The following USP7 variants were observed in gnomAD, a reference collection of about 807,000 sequenced individuals.
USP7 encodes ubiquitin specific peptidase 7, also known as ubiquitin C-terminal hydrolase 7.
In USP7, 9 loss-of-function variants were observed where a neutral mutation model predicts 162.9. The ratio of observed to expected loss-of-function variants is 0.06; its 90% CI spans 0.03 to 0.10. USP7 has a LOEUF of 0.10. Among genes scored for constraint, USP7 ranks in the 10% least tolerant of loss-of-function variants. The pLI, the probability that USP7 is intolerant of heterozygous loss-of-function variation, is 1.00. For synonymous variants in USP7, 562 were observed against 475.9 expected, an observed-to-expected ratio of 1.18 and a Z score of -2.35; for missense variants, 715 against 1,373.7, an observed-to-expected ratio of 0.52 and a Z score of 7.58.
chr16:8,949,382 G>T (rs1490363173), intron 1 of USP7, among the ~76,000 whole-genome samples: 1 of 152,182 alleles, frequency 6.6e-6, no homozygotes, highest in Non-Finnish European at 1.5e-5. Flanking sequence ...ACTGTTCGAG[G>T]CATTGAAAAT....
intron 14 of USP7, among the ~76,000 whole-genome samples, 199 bp downstream of exon 14, chr16:8,904,988 A>G (rs1036363554): frequency 6.6e-6 from 1 of 152,048 alleles, no homozygotes; most frequent in Non-Finnish European, 1.5e-5. Context: ...AAAATAAAAT[A>G]ATCTATTAAC....
chr16:8,900,049 C>G (rs2061749574), intron 21 of USP7: 2 of 476,460 alleles, frequency 4.2e-6, no homozygotes, highest in Non-Finnish European at 7.5e-6. Flanking sequence ...GGAGCAGACC[C>G]AGACGCAGTG....
intron 25 of USP7, among the ~76,000 whole-genome samples, chr16:8,897,726 A>AATATATATATATATATAT (rs1555461672): frequency 1.4e-3 from 10 of 7,132 alleles, no homozygotes; most frequent in African/African-American, 2.2e-3. Context: ...AAAAAAAAAA[A>AATATATATATATATATAT]ATATATATAT....
chr16:8,935,294 G>C (rs924072598), intron 1 of USP7, among the ~76,000 whole-genome samples: 7 of 150,618 alleles, frequency 4.6e-5, no homozygotes, highest in African/African-American at 1.7e-4. Context: ...TCCTGGGTTA[G>C]AGCCTCCTGG....
chr16:8,919,354 ACCTG>A (rs924880021), intron 5 of USP7, among the ~76,000 whole-genome samples: 74 of 152,142 alleles, frequency 4.9e-4, no homozygotes, highest in African/African-American at 1.7e-3. Flanking sequence ...CCCTCGAAGC[ACCTG>A]CCTGCTGACA....
At chr16:8,917,622 GC>G (rs988330756) in intron 6 of USP7, among the ~76,000 whole-genome samples, 2 of 152,158 alleles carry the variant, frequency 1.3e-5, no homozygotes, top group African/African-American at 2.4e-5. Context: ...CAGGGGATCT[GC>G]CCACCTTGGC....
At chr16:8,942,380 C>CA (rs974096983) in intron 1 of USP7, among the ~76,000 whole-genome samples, 2 of 152,166 alleles carry the variant, frequency 1.3e-5, no homozygotes, top group African/African-American at 4.8e-5. Flanking sequence ...CCACCCTTAT[C>CA]ACATGCTAGG....
At position 8,919,074 on chromosome 16, in the gene USP7, T is replaced by C; in HGVS notation, c.677A>G (p.Asn226Ser). 6.2e-7 allele frequency: 1 copy of C among 1,614,062 alleles called. No homozygotes were observed. The change falls in exon 6 of 31, where the codon AAC becomes AGC. Residue 226 changes from asparagine (N) to serine (S), a missense_variant. Transcript: ENST00000344836. ...LKNQGATCYM[N>S]SLLQTLFFTN... is the part of the protein sequence containing the mutation. The stretch of plus-strand genomic sequence containing the variant: ...GAAAAATAACGTCTGTAGCAGGCTG[T>C]TCATGTAACAAGTCGCTCCCTGATT...
intron 1 of USP7, among the ~76,000 whole-genome samples, chr16:8,955,720 A>C (rs9934558): frequency 0.32 from 46,721 of 147,152 alleles, 8,915 homozygotes; most frequent in African/African-American, 0.52. Flanking sequence ...AAAAAAAAAA[A>C]AAAAAACATT....
At position 8,918,303 on chromosome 16, in the gene USP7, A is replaced by G. The variant is rs1189307493; in HGVS notation, c.720+728T>C. Reference sequence around the variant, plus strand: ...GTGCCGATTTCCTGTACTGCTTCATAATAATCACAAGTAATTCTCAAAATA... The same window carrying G: ...GTGCCGATTTCCTGTACTGCTTCATGATAATCACAAGTAATTCTCAAAATA... On this transcript the variant is annotated intron_variant, in intron 6 of 30. Coordinates refer to ENST00000344836, the MANE Select transcript of USP7 (RefSeq NM_003470.3). Among the ~76,000 whole-genome samples, 4 of 152,308 alleles carry G rather than the reference A, an allele frequency of 2.6e-5. No homozygotes were observed. In the East Asian group the frequency reaches 7.7e-4, roughly 29 times the overall value.
At chr16:8,930,481 G>T in intron 1 of USP7, 84 bp from the exon 2 acceptor site, 3 of 910,700 alleles carry the variant, frequency 3.3e-6, no homozygotes, top group South Asian at 4.3e-5. Context: ...TACTTTTGAT[G>T]TTGCCTAATC....
At position 8,957,031 on chromosome 16, in the gene USP7, G is replaced by A. The variant is rs143018958; in HGVS notation, c.79+6176C>T. 1.7e-4 allele frequency among the ~76,000 whole-genome samples: 26 copies of A among 152,244 alleles called. No individual in the cohort carries two copies. The East Asian group carries it at 4.6e-3, about 27-fold the overall frequency. ...CTCAGGAGTGTCATCACTGAATTCT[G>A]GAAGCATCCCTGCTCTGGCTCAGGT... On this transcript the variant is annotated intron_variant, in intron 1 of 30. Transcript: ENST00000344836.
At chr16:8,957,683 G>T (rs534723113) in intron 1 of USP7, among the ~76,000 whole-genome samples, 1 of 151,610 alleles carries the variant, frequency 6.6e-6, no homozygotes, top group African/African-American at 2.4e-5. Context: ...ACCTGAGCCC[G>T]GAAGTTTAAG....
intron 1 of USP7, among the ~76,000 whole-genome samples, chr16:8,951,980 A>G (rs900876694): frequency 6.6e-6 from 1 of 152,252 alleles, no homozygotes; most frequent in African/African-American, 2.4e-5. Context: ...CCACACCACA[A>G]CGTTCAGACT....
At chr16:8,934,586 C>G (rs1898573467) in intron 1 of USP7, among the ~76,000 whole-genome samples, 1 of 152,262 alleles carries the variant, frequency 6.6e-6, no homozygotes, top group African/African-American at 2.4e-5. Context: ...TAGGGCTTCT[C>G]TGCAGTTGGC....
intron 1 of USP7, among the ~76,000 whole-genome samples, chr16:8,953,285 T>C (rs1306110169): frequency 6.6e-6 from 1 of 152,086 alleles, no homozygotes; most frequent in African/African-American, 2.4e-5. Context: ...GCTCCTTCAC[T>C]TTCTGAGGCA....
chr16:8,958,523 C>T (rs1899893465), intron 1 of USP7, among the ~76,000 whole-genome samples: 1 of 152,228 alleles, frequency 6.6e-6, no homozygotes, highest in Admixed American at 6.5e-5. Flanking sequence ...AGGGAGGCTA[C>T]CACCACAGTT....
chr16:8,893,469 G>GGAAGGGCC lies in USP7; in HGVS notation c.*521_*528dup. On this transcript the variant is annotated 3_prime_UTR_variant, in exon 31 of 31. Coordinates refer to ENST00000344836, the MANE Select transcript of USP7 (RefSeq NM_003470.3). The stretch of plus-strand genomic sequence containing the variant: ...AGGCAGCTGGAGGAGGAGAACCCGA[G>GGAAGGGCC]GAAGGGCCGACAATGCACACAATGA... The GGAAGGGCC allele has an allele frequency of 6.5e-6, 1 of 154,288 alleles. No homozygotes were observed. Among genetic ancestry groups the GGAAGGGCC allele is most frequent in the Non-Finnish European group, 1.4e-5 (1 of 69,274 alleles). The allele number at this position is 154,288 out of a possible 1,614,324, so 9.6% of individuals were successfully genotyped here. A position where few individuals can be genotyped will look rare whatever the true frequency, so the allele number is the denominator to read the frequency against.
intron 10 of USP7, among the ~76,000 whole-genome samples, chr16:8,913,185 G>A (rs1037037104): frequency 1.3e-5 from 2 of 152,088 alleles, no homozygotes; most frequent in Non-Finnish European, 2.9e-5. Context: ...GTGAAACCTC[G>A]TCTCTACTGA....
Sources: gnomAD v4.1 joint callset for allele counts (sites outside exome capture counted in the v4.1 genomes callset) on GRCh38, gnomAD v4.1.1 for gene constraint, MANE v1.5 for transcripts, NCBI Gene and HGNC (gene_info 2026-07-23, HGNC 2026-07-21) for gene names.